The following FEZ2 variants were observed in gnomAD, a reference collection of about 807,000 sequenced individuals.
FEZ2 encodes the protein fasciculation and elongation protein zeta-2.
A neutral mutation model predicts 40.4 loss-of-function variants in FEZ2; 51 were observed. The observed-to-expected ratio is 1.26, with a 90% CI of 1.01 to 1.59. The LOEUF is 1.59. Ranked by LOEUF, FEZ2 falls within the 40% of genes most tolerant of loss-of-function variation. The probability of loss-of-function intolerance (pLI) is 0.00; values close to 1 mark genes in which losing one functional copy is unlikely to be tolerated. For missense variants in FEZ2, 640 were observed against 438.3 expected (o/e 1.46, Z -4.11); for synonymous variants, 242 against 172.0 (o/e 1.41, Z -3.18).
chr2:36,554,454 G>A (rs771603272), intron 7 of FEZ2, among the ~76,000 whole-genome samples: 4 of 151,910 alleles, frequency 2.6e-5, no homozygotes, highest in East Asian at 1.9e-4. Context: ...CTTTATGTTC[G>A]TCTCATTCCT....
intron 2 of FEZ2, among the ~76,000 whole-genome samples, chr2:36,588,506 G>C (rs1355084124): frequency 6.6e-6 from 1 of 152,236 alleles, no homozygotes; most frequent in East Asian, 1.9e-4. Flanking sequence ...CGGTATCCAA[G>C]GGAAATTTGT....
intron 4 of FEZ2, 28 bp downstream of exon 4, chr2:36,581,262 A>T: frequency 6.2e-7 from 1 of 1,605,244 alleles, no homozygotes; most frequent in South Asian, 1.1e-5. Flanking sequence ...AAAGCACAGA[A>T]ATCATTGATT....
At position 36,578,597 on chromosome 2, in the gene FEZ2, T is replaced by G; in HGVS notation, c.903A>C (p.Thr301=). The part of the protein sequence containing the change: ...GKNERSHMPG[T]YLTTVIPYEK... ...ACGCCTCCTGCAAAACATCACTTAC[T>G]GTGCCGGGCATATGACTTCTCTCAT... The change falls in exon 5 of 8, where the codon ACA becomes ACC. Residue 301 remains threonine (T), a splice_region_variant and synonymous_variant. Transcript: ENST00000405912. The G allele has an allele frequency of 6.2e-7, 1 of 1,608,594 alleles. No individual in the cohort carries two copies. The highest frequency in any genetic ancestry group is 8.5e-7 in the Non-Finnish European group (1 of 1,178,010).
Position 36,578,594 on chromosome 2 carries a change from T to C in FEZ2, c.903+3A>G. ...TCGACGCCTCCTGCAAAACATCACT[T>C]ACTGTGCCGGGCATATGACTTCTCT... On this transcript the variant is annotated splice_donor_region_variant and intron_variant, in intron 5 of 7. Transcript: ENST00000405912. The C allele has an allele frequency of 1.9e-6, 3 of 1,608,100 alleles. No individual in the cohort carries two copies. The highest frequency in any genetic ancestry group is 1.3e-5 in the African/African-American group (1 of 74,312).
intron 1 of FEZ2, chr2:36,591,688 C>T (rs1423156195): frequency 1.3e-5 from 2 of 152,166 alleles, no homozygotes; most frequent in Admixed American, 1.3e-4. Context: ...AATGCAGTTA[C>T]CTGACCTTAT....
intron 2 of FEZ2, among the ~76,000 whole-genome samples, chr2:36,585,105 G>GA (rs946828671): frequency 6.4e-4 from 96 of 150,774 alleles, no homozygotes; most frequent in Non-Finnish European, 9.0e-4. Context: ...TCCAGGGAGG[G>GA]AAAAAAAAAT....
At chr2:36,554,103 A>C (rs1667893616) in intron 7 of FEZ2, 2 of 404,222 alleles carry the variant, frequency 4.9e-6, no homozygotes, top group South Asian at 3.8e-5. Flanking sequence ...AGCCAAGACA[A>C]AACCACAACA....
chr2:36,583,523 T>TTA (rs1300472005), intron 2 of FEZ2, 54 bp from the exon 3 acceptor site: 2 of 908,084 alleles, frequency 2.2e-6, no homozygotes. Context: ...CAAAACAAAG[T>TTA]TAACAGCTCT....
chr2:36,572,784 G>T (rs1430139250), intron 5 of FEZ2, among the ~76,000 whole-genome samples: 1 of 152,162 alleles, frequency 6.6e-6, no homozygotes, highest in East Asian at 1.9e-4. Context: ...GGTCCATGTT[G>T]TTTTAAACAG....
At chr2:36,593,024 G>A (rs1331040699) in intron 1 of FEZ2, among the ~76,000 whole-genome samples, 1 of 152,060 alleles carries the variant, frequency 6.6e-6, no homozygotes, top group Non-Finnish European at 1.5e-5. Flanking sequence ...GGGTTTCTGT[G>A]GACTACTAAA....
rs1296621849 is a variant in FEZ2, at chr2:36,578,695, T to G, written c.805A>C (p.Lys269Gln). The G allele has an allele frequency of 1.2e-6, 2 of 1,614,022 alleles. No individual in the cohort carries two copies. Among genetic ancestry groups the G allele is most frequent in the South Asian group, 2.2e-5 (2 of 91,074 alleles). The change falls in exon 5 of 8, where the codon AAA becomes CAA. Residue 269 changes from lysine to glutamine, a missense_variant. By Grantham distance (53) the Lys-to-Gln change is moderately conservative. Transcript: ENST00000405912. The part of the protein sequence containing the change: ...FISVLIEVQN[K>Q]QKEHKETAKK... ...GCTGTTTCTTTGTGCTCTTTCTGTTTGTTTTGCACTTCAATAAGAACAGAA... is the reference window on the plus strand; with the variant it reads ...GCTGTTTCTTTGTGCTCTTTCTGTTGGTTTTGCACTTCAATAAGAACAGAA...
At chr2:36,586,344 A>G (rs1055201454) in intron 2 of FEZ2, among the ~76,000 whole-genome samples, 1 of 152,196 alleles carries the variant, frequency 6.6e-6, no homozygotes, top group Non-Finnish European at 1.5e-5. Flanking sequence ...TAATTTTAAA[A>G]TTAATCCGGG....
chr2:36,584,160 T>C (rs1573025151), intron 2 of FEZ2: 1 of 152,154 alleles, frequency 6.6e-6, no homozygotes, highest in South Asian at 2.1e-4. Context: ...GACTGGAAGG[T>C]GGGATGGTGA....
intron 5 of FEZ2, among the ~76,000 whole-genome samples, chr2:36,565,395 G>A (rs961663783): frequency 6.6e-6 from 1 of 152,128 alleles, no homozygotes; most frequent in Non-Finnish European, 1.5e-5. Context: ...TCAGAATGTC[G>A]TACGACGCCA....
intron 5 of FEZ2, among the ~76,000 whole-genome samples, chr2:36,574,430 T>C (rs1668505107): frequency 1.3e-5 from 2 of 151,358 alleles, no homozygotes; most frequent in African/African-American, 4.9e-5. Flanking sequence ...ACCGAGAAAG[T>C]AAAGTTAAAT....
chr2:36,585,526 G>A (rs949866566), intron 2 of FEZ2, among the ~76,000 whole-genome samples: 2 of 152,122 alleles, frequency 1.3e-5, no homozygotes, highest in Non-Finnish European at 2.9e-5. Context: ...GAGAGCAGAA[G>A]GACTAGATAG....
chr2:36,559,043 A>AAG (rs887189528), intron 5 of FEZ2: 1 of 152,202 alleles, frequency 6.6e-6, no homozygotes, highest in African/African-American at 2.4e-5. Context: ...GAAGCTAACA[A>AAG]AGACACACTT....
At chr2:36,563,891 G>C (rs141429707) in intron 5 of FEZ2, among the ~76,000 whole-genome samples, 269 of 152,238 alleles carry the variant, frequency 1.8e-3, no homozygotes, top group African/African-American at 6.2e-3. Context: ...CTGCTCTCTA[G>C]TTGCTTCTTC....
In FEZ2 at chr2:36,555,325, G is replaced by A. The variant is rs147596159; in HGVS notation, c.1045+358C>T. ...CTAATGATCTGTCCTCCTTTCCACT[G>A]TCCTCAAGATGACAGAGACCACCCT... On this transcript the variant is annotated intron_variant, in intron 7 of 7. Transcript: ENST00000405912. The A allele has an allele frequency of 5.2e-3, 904 of 172,228 alleles. 4 individuals are homozygous for A. The highest frequency in any genetic ancestry group is 0.019 in the Middle Eastern group (7 of 370). 10.7% of individuals were successfully genotyped at this position (172,228 alleles called of 1,614,324 possible).
Sources: gnomAD v4.1 joint callset for allele counts (sites outside exome capture counted in the v4.1 genomes callset) on GRCh38, gnomAD v4.1.1 for gene constraint, MANE v1.5 for transcripts, NCBI Gene and HGNC (gene_info 2026-07-23, HGNC 2026-07-21) for gene names.